Variants in CAPN3 observed in about 807,000 individuals in gnomAD.
CAPN3 encodes calpain 3.
Under a neutral mutation model 114.0 loss-of-function variants are expected in CAPN3, and 88 were observed. The observed-to-expected ratio is 0.77, with a 90% confidence interval of 0.65 to 0.92. The LOEUF (loss-of-function observed/expected upper bound fraction) is 0.92. Ranked by LOEUF, CAPN3 falls within the 40% of genes least tolerant of loss-of-function variation. The pLI is 0.00. For missense variants in CAPN3, 1,028 were observed against 1,069.0 expected (o/e 0.96, Z 0.53); for synonymous variants, 386 against 382.9 (o/e 1.01, Z -0.09).
chr15:42,361,415 G>C (rs114914004), intron 1 of CAPN3, among the ~76,000 whole-genome samples: 2,228 of 152,262 alleles, frequency 0.015, 58 homozygotes, highest in African/African-American at 0.051. Context: ...AGGCAGCAGT[G>C]AGCCGAGATC....
chr15:42,403,763 G>A lies in CAPN3; in HGVS notation c.1768G>A (p.Val590Met), dbSNP rs370809015. ...CAGGGAAGTTGAAAATACCATCTCC[G>A]TGGATCGGCCAGTGGTGAGTGGTTT... ...LSEEVENTIS[V>M]DRPVKKKKTK... The change falls in exon 14 of 24, where the codon GTG becomes ATG. Residue 590 changes from valine to methionine, a missense_variant. By Grantham distance (21) the Val-to-Met change is conservative. Transcript: ENST00000397163. 5.6e-6 allele frequency: 9 copies of A among 1,613,952 alleles called. No homozygotes were observed. The highest frequency in any genetic ancestry group is 3.3e-5 in the Admixed American group (2 of 60,006).
At chr15:42,372,898 C>T (rs1304431244) in intron 1 of CAPN3, among the ~76,000 whole-genome samples, 2 of 151,776 alleles carry the variant, frequency 1.3e-5, no homozygotes, top group Non-Finnish European at 2.9e-5. Context: ...ATGCCAAAGT[C>T]ATGGTTTCGA....
At position 42,370,576 on chromosome 15, in the gene CAPN3, G is replaced by A. The variant is rs145766502; in HGVS notation, c.309+10462G>A. 3.9e-3 allele frequency among the ~76,000 whole-genome samples: 601 copies of A among 152,284 alleles called. 3 individuals carry two copies. The highest frequency in any genetic ancestry group is 0.014 in the African/African-American group (579 of 41,568). On this transcript the variant is annotated intron_variant, in intron 1 of 23. Coordinates refer to ENST00000397163, the MANE Select transcript of CAPN3 (RefSeq NM_000070.3). The stretch of plus-strand genomic sequence containing the variant: ...CTTCTGTCAGACAGTTTACAGAGAA[G>A]TGAGGTCACTGTCCTAGCCACAGAG...
rs1595822676 is a variant in CAPN3 at position 42,389,000 on chromosome 15, G to A, written c.705G>A (p.Val235=). 2.5e-6 allele frequency: 4 copies of A among 1,614,102 alleles called. No individual in the cohort carries two copies. In the East Asian group the frequency reaches 8.9e-5, roughly 36 times the overall value. The change falls in exon 5 of 24, where the codon GTG becomes GTA. Residue 235 remains valine, a synonymous_variant. Coordinates refer to ENST00000397163, the MANE Select transcript of CAPN3 (RefSeq NM_000070.3). ...CCATGGAGGACTTCACAGGAGGGGT[G>A]GCAGAGTTTTTTGAGATCAGGGATG... is the stretch of plus-strand genomic sequence containing the variant. ...TEAMEDFTGG[V]AEFFEIRDAP...
At chr15:42,395,717 G>A (rs2053670932) in intron 8 of CAPN3, among the ~76,000 whole-genome samples, 1 of 152,202 alleles carries the variant, frequency 6.6e-6, no homozygotes, top group Admixed American at 6.5e-5. Flanking sequence ...AGGGGCTGGA[G>A]ACAAGTGGAC....
intron 1 of CAPN3, among the ~76,000 whole-genome samples, chr15:42,377,258 A>G (rs1378630758): frequency 6.6e-6 from 1 of 152,176 alleles, no homozygotes; most frequent in East Asian, 1.9e-4. Context: ...TCTTAAGGGG[A>G]AAGCATCTAG....
chr15:42,372,614 G>A (rs1360528211), intron 1 of CAPN3, among the ~76,000 whole-genome samples: 4 of 152,140 alleles, frequency 2.6e-5, no homozygotes, highest in Admixed American at 1.3e-4. Flanking sequence ...TTGGGAGGCC[G>A]AAGCAGGCGG....
At chr15:42,408,423 C>T in intron 16 of CAPN3, 99 bp downstream of exon 16, 1 of 751,854 alleles carries the variant, frequency 1.3e-6, no homozygotes, top group Non-Finnish European at 2.4e-6. Context: ...AGGAGTTTGT[C>T]TTGAACATCT....
rs372567891 is a variant in CAPN3 at position 42,360,154 on chromosome 15, C to T, written c.309+40C>T. ...GCTTGCTGGCTGGGTTTTCCCCCCA[C>T]GGAGGAGTCCTCTCACTCAGCACCT... On this transcript the variant is annotated intron_variant, in intron 1 of 23. Transcript: ENST00000397163. The T allele has an allele frequency of 2.2e-5, 35 of 1,612,466 alleles. No homozygotes were observed. The African/African-American group carries it at 2.9e-4, about 14-fold the overall frequency.
chr15:42,365,606 C>T (rs1253252749), intron 1 of CAPN3, among the ~76,000 whole-genome samples: 1 of 152,120 alleles, frequency 6.6e-6, no homozygotes, highest in Non-Finnish European at 1.5e-5. Flanking sequence ...CACCTCTTTC[C>T]CTCAACTCCT....
At chr15:42,376,372 C>T (rs1028601297) in intron 1 of CAPN3, among the ~76,000 whole-genome samples, 1 of 152,144 alleles carries the variant, frequency 6.6e-6, no homozygotes, top group Non-Finnish European at 1.5e-5. Flanking sequence ...TCTATTCTCC[C>T]CATTTGTTTA....
At chr15:42,386,308 A>T in intron 3 of CAPN3, 23 bp downstream of exon 3, 4 of 1,539,484 alleles carry the variant, frequency 2.6e-6, no homozygotes, top group Non-Finnish European at 3.6e-6. Flanking sequence ...GAGTGTAGTT[A>T]AGAGGGCCAG....
intron 23 of CAPN3, 143 bp from the exon 24 acceptor site, chr15:42,411,600 CAGTA>C (rs2054239456): frequency 6.8e-6 from 5 of 737,298 alleles, no homozygotes; most frequent in Admixed American, 2.0e-5. Flanking sequence ...AGAAAGGAAA[CAGTA>C]AGCCACTGCT....
Position 42,399,483 on chromosome 15 carries a change from A to C in CAPN3, c.1194-9A>C. The C allele has an allele frequency of 6.2e-7, 1 of 1,611,238 alleles. No homozygotes were observed. The highest frequency in any genetic ancestry group is 8.5e-7 in the Non-Finnish European group (1 of 1,177,724). ...CCATATGGCTCTCTCTCTTCTTCCA[A>C]CCTCTCAGGATGTCCTATGAGGATT... On this transcript the variant is annotated splice_polypyrimidine_tract_variant and intron_variant, in intron 9 of 23. Transcript: ENST00000397163.
chr15:42,368,777 C>T (rs111234891), intron 1 of CAPN3, among the ~76,000 whole-genome samples: 4,173 of 152,180 alleles, frequency 0.027, 182 homozygotes, highest in African/African-American at 0.084. Context: ...GTGGGCTGGG[C>T]GTGGTGGCTC....
At position 42,394,359 on chromosome 15, in the gene CAPN3, A is replaced by C; in HGVS notation, c.1115+18A>C. ...AGTGATAGGTAGGTGAGGGGACCCC[A>C]CGGGATTGGCGGTGGCGGGGAACAG... On this transcript the variant is annotated intron_variant, in intron 8 of 23. Transcript: ENST00000397163. 6.4e-7 allele frequency: 1 copy of C among 1,551,340 alleles called. No individual in the cohort carries two copies. The highest frequency in any genetic ancestry group is 2.4e-5 in the East Asian group (1 of 41,198).
chr15:42,411,701 G>GGT lies in CAPN3; in HGVS notation c.2440-45_2440-44dup, dbSNP rs1555423357. The GGT allele has an allele frequency of 2.1e-3, 1,637 of 787,146 alleles. 4 individuals are homozygous for GGT. The highest frequency in any genetic ancestry group is 2.7e-3 in the Non-Finnish European group (1,331 of 495,634). The allele number at this position is 787,146 out of a possible 1,614,324, so 48.8% of individuals were successfully genotyped here. On this transcript the variant is annotated intron_variant, in intron 23 of 23. Coordinates refer to ENST00000397163, the MANE Select transcript of CAPN3 (RefSeq NM_000070.3). ...AGATTCCTAGGGCGGGGGGGGGGGG[G>GGT]GTCACTCTTTTCTGATCTACATTCT... is the stretch of plus-strand genomic sequence containing the variant.
chr15:42,369,567 C>T (rs569645575), intron 1 of CAPN3, among the ~76,000 whole-genome samples: 1 of 152,204 alleles, frequency 6.6e-6, no homozygotes, highest in African/African-American at 2.4e-5. Flanking sequence ...CCATTGCAGT[C>T]ATTCTTCTTT....
intron 1 of CAPN3, among the ~76,000 whole-genome samples, chr15:42,360,962 TAAGA>T: frequency 6.6e-6 from 1 of 152,040 alleles, no homozygotes; most frequent in Admixed American, 6.5e-5. Flanking sequence ...CAGCAGTGAG[TAAGA>T]AAGACCAAAA....
Sources: allele counts gnomAD v4.1 joint callset (sites outside exome capture counted in the v4.1 genomes callset), GRCh38; gene constraint gnomAD v4.1.1; transcripts MANE v1.5; gene names NCBI Gene and HGNC (gene_info 2026-07-23, HGNC 2026-07-21).